GULP1: variants seen among roughly 807,000 people sequenced by gnomAD.
GULP1 encodes the protein GULP PTB domain containing engulfment adaptor 1.
A neutral mutation model predicts 40.9 loss-of-function variants in GULP1; 19 were observed. The observed-to-expected ratio is 0.46, with a 90% confidence interval of 0.32 to 0.68. GULP1 has a LOEUF of 0.68. Ranked by LOEUF, GULP1 falls within the 30% of genes least tolerant of loss-of-function variation. GULP1 has a pLI of 0.03. For missense variants in GULP1, 312 were observed against 362.2 expected (o/e 0.86, Z 1.12); for synonymous variants, 119 against 117.6 (o/e 1.01, Z -0.08).
chr2:188,307,701 A>G, intron 1 of GULP1, among the ~76,000 whole-genome samples: 1 of 152,156 alleles, frequency 6.6e-6, no homozygotes, highest in East Asian at 1.9e-4. Context: ...TTGTTTAATT[A>G]TAATTGAGAT....
intron 7 of GULP1, among the ~76,000 whole-genome samples, chr2:188,552,207 C>T (rs1379725799): frequency 6.6e-6 from 1 of 151,554 alleles, no homozygotes; most frequent in Non-Finnish European, 1.5e-5. Context: ...GTTTGTGTTG[C>T]CAGTACTTTT....
At chr2:188,532,631 G>A (rs1017358587) in intron 6 of GULP1, among the ~76,000 whole-genome samples, 6 of 151,818 alleles carry the variant, frequency 4.0e-5, no homozygotes, top group Non-Finnish European at 7.4e-5. Flanking sequence ...AAAGATATGT[G>A]AACTGGCTGG....
intron 4 of GULP1, among the ~76,000 whole-genome samples, chr2:188,492,074 C>T (rs1295745815): frequency 6.6e-6 from 1 of 152,002 alleles, no homozygotes; most frequent in African/African-American, 2.4e-5. Flanking sequence ...AACACCTCCT[C>T]TTTCAATATC....
intron 9 of GULP1, among the ~76,000 whole-genome samples, chr2:188,583,539 C>T (rs1266101519): frequency 6.6e-6 from 1 of 152,086 alleles, no homozygotes; most frequent in Non-Finnish European, 1.5e-5. Flanking sequence ...TTTGATATTA[C>T]TTCTTGGCTA....
chr2:188,593,966 T>C lies in GULP1; in HGVS notation c.870T>C (p.Leu290=). 6.3e-7 allele frequency: 1 copy of C among 1,598,702 alleles called. No homozygotes were observed. Among genetic ancestry groups the C allele is most frequent in the South Asian group, 1.1e-5 (1 of 90,624 alleles). The part of the protein sequence containing the change: ...MQEGFKMGLT[L]EGTVFCLDPL... Reference sequence around the variant, plus strand: ...AGGGGTTCAAAATGGGACTAACTCTTGAAGGCACAGTATTTTGTCTCGACC... The same window carrying C: ...AGGGGTTCAAAATGGGACTAACTCTCGAAGGCACAGTATTTTGTCTCGACC... The change falls in exon 12 of 12, where the codon CTT becomes CTC. Residue 290 remains leucine, a synonymous_variant. Coordinates refer to ENST00000409830, the MANE Select transcript of GULP1 (RefSeq NM_016315.4).
At chr2:188,510,136 G>C (rs571355620) in intron 4 of GULP1, among the ~76,000 whole-genome samples, 28 of 152,112 alleles carry the variant, frequency 1.8e-4, no homozygotes, top group Non-Finnish European at 3.2e-4. Flanking sequence ...AGCTCAGAGG[G>C]CACTTGAAAT....
intron 1 of GULP1, among the ~76,000 whole-genome samples, chr2:188,313,543 AGCATGAT>A (rs537595234): frequency 2.0e-5 from 3 of 152,184 alleles, no homozygotes; most frequent in Non-Finnish European, 4.4e-5. Flanking sequence ...GAAGTCAGGT[AGCATGAT>A]GCCTTCAGCT....
At chr2:188,588,247 AAC>A (rs1702819757) in intron 11 of GULP1, 2 of 345,938 alleles carry the variant, frequency 5.8e-6, no homozygotes, top group Non-Finnish European at 1.1e-5. Flanking sequence ...TCTAGAGTTA[AAC>A]AGTCACTGCA....
At chr2:188,538,694 AGTGTGTGTGT>A (rs113650180) in intron 6 of GULP1, among the ~76,000 whole-genome samples, 1 of 144,722 alleles carries the variant, frequency 6.9e-6, no homozygotes, top group East Asian at 2.1e-4. Context: ...TGTGTGTGTG[AGTGTGTGTGT>A]GTGTGTGTGT....
intron 4 of GULP1, among the ~76,000 whole-genome samples, chr2:188,500,667 C>T (rs770010167): frequency 6.3e-4 from 95 of 151,992 alleles, no homozygotes; most frequent in Admixed American, 2.1e-3. Flanking sequence ...AACATGTTTG[C>T]GTAGTACAGA....
chr2:188,571,642 G>A (rs999074608), intron 9 of GULP1, among the ~76,000 whole-genome samples: 10 of 152,104 alleles, frequency 6.6e-5, no homozygotes, highest in South Asian at 4.1e-4. Context: ...TGCCTCTCTC[G>A]CTGCTAGGGA....
intron 2 of GULP1, among the ~76,000 whole-genome samples, chr2:188,408,715 A>T (rs760811064): frequency 6.6e-6 from 1 of 152,184 alleles, no homozygotes; most frequent in Non-Finnish European, 1.5e-5. Context: ...ATCAGCATAC[A>T]CATTTTTCTC....
rs186959948 is a variant in GULP1, at chr2:188,491,220, C to A, written c.90+7728C>A. On this transcript the variant is annotated intron_variant, in intron 4 of 11. Transcript: ENST00000409830. ...AGACTGGACTGTGAGACTTAAGGAT[C>A]TGAGCAGAAAGGAAAAGTAGAGATT... is the stretch of plus-strand genomic sequence containing the variant. 4.0e-5 allele frequency among the ~76,000 whole-genome samples: 6 copies of A among 151,866 alleles called. No individual in the cohort carries two copies. The East Asian group carries it at 1.2e-3, about 29-fold the overall frequency.
chr2:188,360,765 A>G (rs2152368613), intron 1 of GULP1, among the ~76,000 whole-genome samples: 1 of 152,240 alleles, frequency 6.6e-6, no homozygotes, highest in Non-Finnish European at 1.5e-5. Context: ...TTATGTGAAT[A>G]CAGAGCAATA....
intron 1 of GULP1, among the ~76,000 whole-genome samples, chr2:188,319,813 C>CT (rs529167296): frequency 3.3e-5 from 5 of 152,066 alleles, no homozygotes; most frequent in Admixed American, 1.3e-4. Flanking sequence ...ATTCAGAGCT[C>CT]TTTTTTTGTC....
At chr2:188,560,787 G>A (rs1023422273) in intron 7 of GULP1, among the ~76,000 whole-genome samples, 2 of 152,168 alleles carry the variant, frequency 1.3e-5, no homozygotes, top group African/African-American at 2.4e-5. Context: ...GGCTTACATG[G>A]CAGGAGCAGG....
At chr2:188,454,420 A>C (rs1378199182) in intron 2 of GULP1, among the ~76,000 whole-genome samples, 1 of 152,158 alleles carries the variant, frequency 6.6e-6, no homozygotes, top group Non-Finnish European at 1.5e-5. Flanking sequence ...GTAAAAAACT[A>C]ATTAGGGAAG....
rs557486003 is a variant in GULP1 at position 188,566,425 on chromosome 2, A to G, written c.400-2814A>G. Among the ~76,000 whole-genome samples the G allele has an allele frequency of 7.9e-5, 12 of 152,274 alleles. No individual in the cohort carries two copies. In the South Asian group the frequency reaches 2.5e-3, roughly 32 times the overall value. On this transcript the variant is annotated intron_variant, in intron 7 of 11. Coordinates refer to ENST00000409830, the MANE Select transcript of GULP1 (RefSeq NM_016315.4). ...GTTTTTTAAAGTTATTAATATAAAT[A>G]AATAATATGAGGCCAAATGTCATTA...
At chr2:188,388,327 A>G (rs981542192) in intron 2 of GULP1, among the ~76,000 whole-genome samples, 3 of 150,912 alleles carry the variant, frequency 2.0e-5, no homozygotes, top group Non-Finnish European at 3.0e-5. Context: ...ACAGGAGTTC[A>G]AGACCATCCT....
Sources: allele counts gnomAD v4.1 joint callset (sites outside exome capture counted in the v4.1 genomes callset), GRCh38; gene constraint gnomAD v4.1.1; transcripts MANE v1.5; gene names NCBI Gene and HGNC (gene_info 2026-07-23, HGNC 2026-07-21).